Variants in KRI1 observed in about 807,000 individuals in gnomAD.
KRI1 encodes the protein protein KRI1 homolog.
In KRI1, 83 loss-of-function variants were observed where a neutral mutation model predicts 97.0. The observed-to-expected ratio is 0.86, with a 90% CI of 0.72 to 1.03. The LOEUF is 1.03. Ranked by LOEUF, KRI1 falls within the 50% of genes least tolerant of loss-of-function variation. The probability of loss-of-function intolerance (pLI) is 0.00; values close to 1 mark genes in which losing one functional copy is unlikely to be tolerated. For synonymous variants in KRI1, 371 were observed against 363.5 expected (o/e 1.02, Z -0.23); for missense variants, 916 against 928.4 (o/e 0.99, Z 0.17).
intron 16 of KRI1, among the ~76,000 whole-genome samples, chr19:10,556,630 G>A (rs1313955024): frequency 2.6e-5 from 4 of 151,526 alleles, no homozygotes; most frequent in East Asian, 3.9e-4. Context: ...TTGCACCACC[G>A]CATGCCGGCC....
At position 10,554,025 on chromosome 19, in the gene KRI1, T is replaced by TGAGGCCA; in HGVS notation, c.2031_2037dup (p.Asn680TrpfsTer68). On this transcript the variant is annotated frameshift_variant, in exon 19 of 19. Transcript: ENST00000312962. LOFTEE classifies it high-confidence loss of function. ...TGGCGGAAGTGCAGCCGTTTGGGGT[T>TGAGGCCA]GAGGCCAAAGGCCTGCAGTCTCTGG... 1 of 1,614,106 alleles carries TGAGGCCA rather than the reference T, an allele frequency of 6.2e-7. No individual in the cohort carries two copies.
chr19:10,553,167 T>C lies in KRI1; in HGVS notation c.*784A>G. 7.2e-7 allele frequency: 1 copy of C among 1,391,434 alleles called. No individual in the cohort carries two copies. The highest frequency in any genetic ancestry group is 9.5e-7 in the Non-Finnish European group (1 of 1,047,814). The allele number at this position is 1,391,434 out of a possible 1,614,324, so 86.2% of individuals were successfully genotyped here. Reference sequence around the variant, plus strand: ...CTCTGGCAGTGATGATGGTACTTCCTGTTGTCAGCCCCTCAAGCCCAGCTG... The same window carrying C: ...CTCTGGCAGTGATGATGGTACTTCCCGTTGTCAGCCCCTCAAGCCCAGCTG... On this transcript the variant is annotated 3_prime_UTR_variant, in exon 19 of 19. Coordinates refer to ENST00000312962, the MANE Select transcript of KRI1 (RefSeq NM_023008.5).
In KRI1 at chr19:10,557,891, T is replaced by G; in HGVS notation, c.1364A>C (p.Asp455Ala). 1 of 1,613,426 alleles carries G rather than the reference T, an allele frequency of 6.2e-7. No homozygotes were observed. Among genetic ancestry groups the G allele is most frequent in the Non-Finnish European group, 8.5e-7 (1 of 1,179,836 alleles). ...LHCEDPNFNM[D>A]ADYDPSQPRK... ...CGGCTGGCTGGGGTCGTAGTCGGCG[T>G]CCATCTGCCAGGACGCACAGGTCAG... is the stretch of plus-strand genomic sequence containing the variant. The change falls in exon 15 of 19, where the codon GAC (aspartate) becomes GCC (alanine). Residue 455 changes from aspartate to alanine, a missense_variant. Physicochemically the swap from Asp to Ala is moderately radical, Grantham distance 126. Around this residue, in one of 3 missense-constraint regions of KRI1, gnomAD observed 672 missense variants for 667.2 expected, o/e 1.01. Coordinates refer to ENST00000312962, the MANE Select transcript of KRI1 (RefSeq NM_023008.5).
At chr19:10,557,748 G>A in intron 15 of KRI1, 21 bp downstream of exon 15, 2 of 1,613,388 alleles carry the variant, frequency 1.2e-6, no homozygotes, top group East Asian at 2.2e-5. Flanking sequence ...CCTACCCACG[G>A]CCTGCCCACC....
chr19:10,560,927 G>A (rs1373924766), intron 8 of KRI1, 76 bp downstream of exon 8: 3 of 1,123,002 alleles, frequency 2.7e-6, no homozygotes, highest in South Asian at 1.3e-5. Context: ...TCTTCAGAGG[G>A]TTACTTTCTG....
Position 10,554,264 on chromosome 19 carries a change from T to A in KRI1, c.1799A>T (p.Glu600Val). ...LCREEAETPA[E>V]ATGKPQRDEA... ...ATCTCTCTGTGGCTTCCCTGTGGCT[T>A]CCGCAGGTGTCTCTGCCCTGAGGGA... is the stretch of plus-strand genomic sequence containing the variant. The change falls in exon 19 of 19, where the codon GAA (glutamate) becomes GTA (valine). Residue 600 changes from glutamate to valine, a missense_variant. Physicochemically the swap from Glu to Val is moderately radical, Grantham distance 121 (BLOSUM62 -2). Coordinates refer to ENST00000312962, the MANE Select transcript of KRI1 (RefSeq NM_023008.5). 1 of 1,613,860 alleles carries A rather than the reference T, an allele frequency of 6.2e-7. No homozygotes were observed. The highest frequency in any genetic ancestry group is 8.5e-7 in the Non-Finnish European group (1 of 1,179,982).
At position 10,557,974 on chromosome 19, in the gene KRI1, T is replaced by G. The variant is rs1043809405; in HGVS notation, c.1357A>C (p.Asn453His). 5 of 1,613,960 alleles carry G rather than the reference T, an allele frequency of 3.1e-6. No individual in the cohort carries two copies. In the Admixed American group the frequency reaches 8.3e-5, roughly 27 times the overall value. The stretch of plus-strand genomic sequence containing the variant: ...CTCCCTCAACCCGTGATACCTACGT[T>G]GAAGTTGGGGTCCTCACAGTGCAGC... ...QELHCEDPNF[N>H]MDADYDPSQP... The change falls in exon 14 of 19, where the codon AAC becomes CAC. Residue 453 changes from asparagine (N) to histidine (H), a missense_variant and splice_region_variant. Around this residue, in one of 3 missense-constraint regions of KRI1, gnomAD observed 672 missense variants for 667.2 expected, o/e 1.01. Coordinates refer to ENST00000312962, the MANE Select transcript of KRI1 (RefSeq NM_023008.5).
chr19:10,565,112 G>C (rs2144735029), intron 2 of KRI1, 78 bp from the exon 3 acceptor site: 1 of 943,536 alleles, frequency 1.1e-6, no homozygotes, highest in African/African-American at 1.6e-5. Flanking sequence ...TGAGCTCAGC[G>C]TAGGGATTAG....
intron 3 of KRI1, among the ~76,000 whole-genome samples, chr19:10,563,408 G>A (rs563008752): frequency 2.6e-4 from 21 of 79,574 alleles, no homozygotes; most frequent in Non-Finnish European, 4.5e-4. Context: ...AGTGCATGGC[G>A]TGACTTGGCT....
chr19:10,553,325 C>T lies in KRI1; in HGVS notation c.*626G>A, dbSNP rs1423613011. 4.4e-6 allele frequency: 2 copies of T among 452,982 alleles called. No homozygotes were observed. The highest frequency in any genetic ancestry group is 7.9e-6 in the Non-Finnish European group (2 of 251,930). The allele number at this position is 452,982 out of a possible 1,614,324, so 28.1% of individuals were successfully genotyped here. ...CCCCCCTCAGGGCCTGACTCACGTA[C>T]TGTAGTTTGCACTGGACGCCCGGGC... On this transcript the variant is annotated 3_prime_UTR_variant, in exon 19 of 19. Coordinates refer to ENST00000312962, the MANE Select transcript of KRI1 (RefSeq NM_023008.5).
chr19:10,558,392 G>A (rs1191722404), intron 12 of KRI1, among the ~76,000 whole-genome samples, 153 bp from the exon 13 acceptor site: 1 of 151,976 alleles, frequency 6.6e-6, no homozygotes, highest in Non-Finnish European at 1.5e-5. Context: ...GAGGTGGGAG[G>A]CCCTGCATGT....
At chr19:10,565,816 C>CCCCT in intron 1 of KRI1, 26 bp from the exon 2 acceptor site, 2 of 1,550,402 alleles carry the variant, frequency 1.3e-6, no homozygotes, top group Non-Finnish European at 1.7e-6. Flanking sequence ...GGGATGCCCC[C>CCCCT]CCCCAGGTCA....
intron 18 of KRI1, among the ~76,000 whole-genome samples, chr19:10,554,768 A>C (rs1916444352): frequency 6.6e-6 from 1 of 152,144 alleles, no homozygotes; most frequent in Admixed American, 6.6e-5. Flanking sequence ...GACTGGGCGA[A>C]AGCAATCCTA....
chr19:10,558,044 G>T lies in KRI1; in HGVS notation c.1287C>A (p.Asp429Glu). 1 of 1,614,058 alleles carries T rather than the reference G, an allele frequency of 6.2e-7. No homozygotes were observed. Residue 429 changes from aspartate (D) to glutamate (E), a missense_variant, in exon 14 of 19, where the codon GAC becomes GAA. By Grantham distance (45) the Asp-to-Glu change is conservative. This residue lies in a region of KRI1 where 672 missense variants were observed against 667.2 expected (regional missense o/e 1.01). Coordinates refer to ENST00000312962, the MANE Select transcript of KRI1 (RefSeq NM_023008.5). ...CCTCCTGCTCAGGCCCGTCCCACGTGTCCCAGTTCCAGTCGTCTGGATGCA... is the reference window on the plus strand; with the variant it reads ...CCTCCTGCTCAGGCCCGTCCCACGTTTCCCAGTTCCAGTCGTCTGGATGCA... ...EEGLEDDWNW[D>E]TWDGPEQEGD...
Position 10,565,749 on chromosome 19 carries a change from T to C in KRI1, c.136A>G (p.Ser46Gly). ...TCGTCGCTTGAGTCCGACTCGGAGC[T>C]GGAGTCGCTGCTGCTGTCTCGGTCC... ...YGDRDSSSDS[S>G]SESDSSDERV... is the part of the protein sequence containing the mutation. The change falls in exon 2 of 19, where the codon AGC (serine) becomes GGC (glycine). Residue 46 changes from serine to glycine, a missense_variant. By Grantham distance (56) the Ser-to-Gly change is moderately conservative (BLOSUM62 0). This residue lies in a region of KRI1 where 173 missense variants were observed against 153.1 expected (regional missense o/e 1.13). Coordinates refer to ENST00000312962, the MANE Select transcript of KRI1 (RefSeq NM_023008.5). 1 of 1,580,696 alleles carries C rather than the reference T, an allele frequency of 6.3e-7. No individual in the cohort carries two copies. The highest frequency in any genetic ancestry group is 8.6e-7 in the Non-Finnish European group (1 of 1,164,344).
chr19:10,562,624 T>C lies in KRI1; in HGVS notation c.383+105A>G, dbSNP rs912068474. Reference sequence around the variant, plus strand: ...CTGGGATTATGGGCATGAGCCACCATGCCCGGCCCAGGCTGCCAGCTTTTT... The same window carrying C: ...CTGGGATTATGGGCATGAGCCACCACGCCCGGCCCAGGCTGCCAGCTTTTT... On this transcript the variant is annotated intron_variant, in intron 4 of 18. Transcript: ENST00000312962. The C allele has an allele frequency of 8.4e-6, 6 of 716,902 alleles. No homozygotes were observed. The African/African-American group carries it at 8.8e-5, about 10-fold the overall frequency. The allele number at this position is 716,902 out of a possible 1,614,324, so 44.4% of individuals were successfully genotyped here.
chr19:10,558,337 T>A, intron 12 of KRI1, 98 bp from the exon 13 acceptor site: 2 of 1,145,982 alleles, frequency 1.7e-6, no homozygotes, highest in Middle Eastern at 2.1e-4. Context: ...GCAACTTTAC[T>A]CCTACAGCTA....
Position 10,557,988 on chromosome 19 carries a change from TCA to T in KRI1, c.1341_1342del (p.Cys447Ter). On this transcript the variant is annotated stop_gained and frameshift_variant, in exon 14 of 19. Transcript: ENST00000312962. LOFTEE classifies it high-confidence loss of function. The stretch of plus-strand genomic sequence containing the variant: ...GATACCTACGTTGAAGTTGGGGTCC[TCA>T]CAGTGCAGCTCCTGCTGGCTCCAGT... 2 of 1,614,076 alleles carry T rather than the reference TCA, an allele frequency of 1.2e-6. No individual in the cohort carries two copies. Among genetic ancestry groups the T allele is most frequent in the Non-Finnish European group, 8.5e-7 (1 of 1,179,998 alleles).
rs116700648 is a variant in KRI1 at position 10,558,326 on chromosome 19, G to A, written c.1195-87C>T. On this transcript the variant is annotated intron_variant, in intron 12 of 18. Coordinates refer to ENST00000312962, the MANE Select transcript of KRI1 (RefSeq NM_023008.5). ...CGATGCCGCCAATGACCCCCTCCTT[G>A]GCAACTTTACTCCTACAGCTAGGGC... 1.9e-3 allele frequency: 2,464 copies of A among 1,294,790 alleles called. 30 individuals are homozygous for A. The African/African-American group carries it at 0.03, about 16-fold the overall frequency. 80.2% of individuals were successfully genotyped at this position (1,294,790 alleles called of 1,614,324 possible).
Sources: allele counts gnomAD v4.1 joint callset (sites outside exome capture counted in the v4.1 genomes callset), GRCh38; gene constraint gnomAD v4.1.1; regional missense constraint gnomAD v4.1.1; transcripts MANE v1.5; gene names NCBI Gene and HGNC (gene_info 2026-07-23, HGNC 2026-07-21).